Variants in LHFPL6 observed in about 807,000 individuals in gnomAD.
The protein encoded by LHFPL6 is LHFPL tetraspan subfamily member 6 protein.
A neutral mutation model predicts 20.6 loss-of-function variants in LHFPL6; 9 were observed. The ratio of observed to expected loss-of-function variants is 0.44; its 90% CI spans 0.26 to 0.76. LHFPL6 has a LOEUF of 0.76. LHFPL6 is among the 30% of genes least tolerant of loss of function. The pLI is 0.20. For missense variants in LHFPL6, 218 were observed against 253.5 expected (o/e 0.86, Z 0.95); for synonymous variants, 105 against 98.7 (o/e 1.06, Z -0.38).
intron 3 of LHFPL6, among the ~76,000 whole-genome samples, chr13:39,375,104 C>T (rs1870252538): frequency 2.6e-5 from 4 of 152,144 alleles, no homozygotes; most frequent in Admixed American, 1.3e-4. Context: ...ATTTCACAAC[C>T]CTTGGGAGGA....
chr13:39,464,734 G>T lies in LHFPL6; in HGVS notation c.386-86208C>A, dbSNP rs1347076497. ...TTTTTTTTGTCTGACCTAACGTCTT[G>T]ACTTGCATTTTGAATATTTGGTTAC... On this transcript the variant is annotated intron_variant, in intron 2 of 3. Coordinates refer to ENST00000379589, the MANE Select transcript of LHFPL6 (RefSeq NM_005780.3). Among the ~76,000 whole-genome samples the T allele has an allele frequency of 1.0e-3, 132 of 129,582 alleles. 1 individual carries two copies. The highest frequency in any genetic ancestry group is 3.6e-3 in the African/African-American group (128 of 35,232). 85.0% of individuals were successfully genotyped at this position (129,582 alleles called of 152,430 possible).
intron 2 of LHFPL6, among the ~76,000 whole-genome samples, chr13:39,505,540 T>TTCTC (rs1869448203): frequency 2.6e-5 from 4 of 151,986 alleles, no homozygotes; most frequent in African/African-American, 9.7e-5. Context: ...AGAAACAGAT[T>TTCTC]TGATTTATCC....
intron 3 of LHFPL6, among the ~76,000 whole-genome samples, chr13:39,361,874 T>C (rs1869879935): frequency 6.6e-6 from 1 of 152,116 alleles, no homozygotes; most frequent in South Asian, 2.1e-4. Context: ...AATTACTCAC[T>C]TAAGTATCTA....
At chr13:39,511,670 A>C (rs780574029) in intron 2 of LHFPL6, among the ~76,000 whole-genome samples, 2 of 152,170 alleles carry the variant, frequency 1.3e-5, no homozygotes, top group African/African-American at 4.8e-5. Context: ...GAATAACCCC[A>C]GGCCACTAAT....
At chr13:39,484,511 T>C (rs929083286) in intron 2 of LHFPL6, among the ~76,000 whole-genome samples, 2 of 152,138 alleles carry the variant, frequency 1.3e-5, no homozygotes, top group African/African-American at 4.8e-5. Context: ...TGATGGAAAA[T>C]TGACAGCCCT....
intron 2 of LHFPL6, among the ~76,000 whole-genome samples, chr13:39,461,047 C>T (rs1872676539): frequency 6.6e-6 from 1 of 152,176 alleles, no homozygotes; most frequent in African/African-American, 2.4e-5. Context: ...TCCATGTTTA[C>T]TCAATGTTTA....
chr13:39,352,344 ATGAACC>A (rs1869589817), intron 3 of LHFPL6, among the ~76,000 whole-genome samples: 1 of 152,178 alleles, frequency 6.6e-6, no homozygotes, highest in African/African-American at 2.4e-5. Flanking sequence ...CTGTCTGCCT[ATGAACC>A]CTCAGAAGTT....
intron 2 of LHFPL6, among the ~76,000 whole-genome samples, chr13:39,532,283 A>T (rs1870490514): frequency 6.6e-6 from 1 of 152,134 alleles, no homozygotes; most frequent in Admixed American, 6.5e-5. Context: ...AATGGAGTGG[A>T]CATTCACAGC....
intron 2 of LHFPL6, among the ~76,000 whole-genome samples, chr13:39,468,141 G>T (rs142018805): frequency 6.6e-6 from 1 of 152,134 alleles, no homozygotes; most frequent in African/African-American, 2.4e-5. Context: ...CTTTTTCACC[G>T]ATCTACATAA....
intron 2 of LHFPL6, among the ~76,000 whole-genome samples, chr13:39,549,213 T>C (rs970268103): frequency 3.9e-5 from 6 of 152,166 alleles, no homozygotes; most frequent in African/African-American, 1.4e-4. Context: ...TTCAACTGAT[T>C]TTCAACGAAA....
chr13:39,454,015 AAATGC>A (rs56392226), intron 2 of LHFPL6, among the ~76,000 whole-genome samples: 59,579 of 151,578 alleles, frequency 0.39, 11,755 homozygotes, highest in Middle Eastern at 0.52. Context: ...TCCCCTAGGC[AAATGC>A]AATTGATTTC....
chr13:39,570,368 C>T (rs761128880), intron 2 of LHFPL6, among the ~76,000 whole-genome samples: 3 of 152,068 alleles, frequency 2.0e-5, no homozygotes, highest in Non-Finnish European at 2.9e-5. Flanking sequence ...TGGTCTCAAA[C>T]TCCTGGGCTC....
At chr13:39,586,607 A>C (rs1462514694) in intron 2 of LHFPL6, among the ~76,000 whole-genome samples, 1 of 152,102 alleles carries the variant, frequency 6.6e-6, no homozygotes, top group Admixed American at 6.5e-5. Flanking sequence ...TCATTCATCT[A>C]TTCATCTAAA....
At chr13:39,521,296 G>C (rs1396649069) in intron 2 of LHFPL6, among the ~76,000 whole-genome samples, 1 of 152,106 alleles carries the variant, frequency 6.6e-6, no homozygotes, top group Non-Finnish European at 1.5e-5. Context: ...CAATACCTAT[G>C]TGATCTTTCA....
intron 2 of LHFPL6, among the ~76,000 whole-genome samples, chr13:39,477,513 A>C (rs1873114236): frequency 6.6e-6 from 1 of 152,168 alleles, no homozygotes; most frequent in South Asian, 2.1e-4. Context: ...GAGCAACGTG[A>C]CCCTGTTACT....
chr13:39,390,007 C>T (rs902811824), intron 2 of LHFPL6, among the ~76,000 whole-genome samples: 6 of 152,162 alleles, frequency 3.9e-5, no homozygotes, highest in African/African-American at 1.4e-4. Flanking sequence ...AGCACAAGCA[C>T]CAACAGACTC....
intron 3 of LHFPL6, among the ~76,000 whole-genome samples, chr13:39,352,949 A>ATG (rs1869626668): frequency 1.8e-5 from 2 of 109,632 alleles, no homozygotes; most frequent in Non-Finnish European, 3.5e-5. Flanking sequence ...GTGTATATAT[A>ATG]TATACATACA....
chr13:39,431,258 G>A (rs561164633), intron 2 of LHFPL6, among the ~76,000 whole-genome samples: 8 of 151,882 alleles, frequency 5.3e-5, no homozygotes, highest in East Asian at 3.9e-4. Context: ...GAAGGTCAGC[G>A]GCTTCATTCC....
chr13:39,500,794 G>A (rs1393066344), intron 2 of LHFPL6, among the ~76,000 whole-genome samples: 2 of 152,042 alleles, frequency 1.3e-5, no homozygotes, highest in African/African-American at 2.4e-5. Flanking sequence ...TAAGTATTCT[G>A]ACCAAAAGCA....
Sources: gnomAD v4.1 joint callset for allele counts (sites outside exome capture counted in the v4.1 genomes callset) on GRCh38, gnomAD v4.1.1 for gene constraint, MANE v1.5 for transcripts, NCBI Gene and HGNC (gene_info 2026-07-23, HGNC 2026-07-21) for gene names.